Variants in ST6GALNAC3 observed in about 807,000 individuals in gnomAD.
ST6GALNAC3 encodes ST6 N-acetylgalactosaminide alpha-2,6-sialyltransferase 3.
Under a neutral mutation model 32.7 loss-of-function variants are expected in ST6GALNAC3, and 25 were observed. That is an observed-to-expected ratio of 0.76 (90% CI 0.56 to 1.07). The LOEUF (loss-of-function observed/expected upper bound fraction) is 1.07, where lower values mean the gene tolerates loss of function less well. Ranked by LOEUF, ST6GALNAC3 falls within the 50% of genes least tolerant of loss-of-function variation. The probability of loss-of-function intolerance (pLI) is 0.00; values close to 1 mark genes in which losing one functional copy is unlikely to be tolerated. For missense variants in ST6GALNAC3, 355 were observed against 382.4 expected, an observed-to-expected ratio of 0.93 and a Z score of 0.60; for synonymous variants, 129 against 133.1, an observed-to-expected ratio of 0.97 and a Z score of 0.21.
At chr1:76,402,913 G>A (rs1300448691) in intron 2 of ST6GALNAC3, among the ~76,000 whole-genome samples, 13 of 151,864 alleles carry the variant, frequency 8.6e-5, no homozygotes, top group Non-Finnish European at 1.9e-4. Context: ...TTAAATTATT[G>A]AGTCTTATCT....
At chr1:76,397,099 G>T (rs550449394) in intron 2 of ST6GALNAC3, among the ~76,000 whole-genome samples, 1 of 151,966 alleles carries the variant, frequency 6.6e-6, no homozygotes, top group Non-Finnish European at 1.5e-5. Flanking sequence ...ATTCAAACGA[G>T]AAAGGGATTT....
At chr1:76,407,836 A>G (rs932915057) in intron 2 of ST6GALNAC3, among the ~76,000 whole-genome samples, 7 of 152,100 alleles carry the variant, frequency 4.6e-5, no homozygotes, top group Non-Finnish European at 8.8e-5. Context: ...TGCCTACTGA[A>G]GCAGAACTGA....
At chr1:76,523,113 G>A (rs756551442) in intron 3 of ST6GALNAC3, among the ~76,000 whole-genome samples, 13 of 151,896 alleles carry the variant, frequency 8.6e-5, no homozygotes, top group Non-Finnish European at 1.6e-4. Flanking sequence ...TTCCTCAAAT[G>A]TTTAACCTTG....
intron 3 of ST6GALNAC3, among the ~76,000 whole-genome samples, chr1:76,588,982 T>C (rs932837613): frequency 2.0e-5 from 3 of 152,232 alleles, no homozygotes; most frequent in Admixed American, 6.5e-5. Context: ...AAGTATTAAA[T>C]TTTCTCTGTT....
rs1468642590 is a variant in ST6GALNAC3, at chr1:76,155,413, G to A, written c.18+80529G>A. Among the ~76,000 whole-genome samples, 3 of 152,178 alleles carry A rather than the reference G, an allele frequency of 2.0e-5. No homozygotes were observed. In the East Asian group the frequency reaches 5.8e-4, roughly 29 times the overall value. ...ATCAACTTTGTTTCAAACAGCTTTA[G>A]ATTTGCAGAAAAACTATGAATATAG... is the stretch of plus-strand genomic sequence containing the variant. On this transcript the variant is annotated intron_variant, in intron 1 of 4. Coordinates refer to ENST00000328299, the MANE Select transcript of ST6GALNAC3 (RefSeq NM_152996.4).
At chr1:76,266,170 C>A (rs1161537459) in intron 1 of ST6GALNAC3, among the ~76,000 whole-genome samples, 1 of 152,138 alleles carries the variant, frequency 6.6e-6, no homozygotes, top group Non-Finnish European at 1.5e-5. Context: ...TATTGGGCAC[C>A]TTCTCTTTGG....
chr1:76,392,054 G>A (rs1318486037), intron 2 of ST6GALNAC3, among the ~76,000 whole-genome samples: 1 of 152,096 alleles, frequency 6.6e-6, no homozygotes, highest in Non-Finnish European at 1.5e-5. Flanking sequence ...GTGGGTAGGG[G>A]GCTGTGCTGT....
chr1:76,460,674 T>G (rs888356160), intron 3 of ST6GALNAC3, among the ~76,000 whole-genome samples: 20 of 152,342 alleles, frequency 1.3e-4, no homozygotes, highest in African/African-American at 4.8e-4. Context: ...TATTATTCTT[T>G]ATTTGCATTA....
At chr1:76,277,190 T>C (rs573885426) in intron 1 of ST6GALNAC3, among the ~76,000 whole-genome samples, 46 of 152,262 alleles carry the variant, frequency 3.0e-4, no homozygotes, top group Non-Finnish European at 5.1e-4. Flanking sequence ...ATGGTTGATA[T>C]TTTGTTGTCT....
At chr1:76,271,264 G>T (rs1317290277) in intron 1 of ST6GALNAC3, among the ~76,000 whole-genome samples, 2 of 152,186 alleles carry the variant, frequency 1.3e-5, no homozygotes, top group East Asian at 3.8e-4. Context: ...GTGTAAAGTG[G>T]TTTGCTGTAA....
chr1:76,415,425 C>T, intron 3 of ST6GALNAC3, among the ~76,000 whole-genome samples: 1 of 151,820 alleles, frequency 6.6e-6, no homozygotes, highest in Non-Finnish European at 1.5e-5. Flanking sequence ...CTGTTCTCCT[C>T]TTTATTTACC....
At chr1:76,607,153 T>C (rs184996064) in intron 3 of ST6GALNAC3, among the ~76,000 whole-genome samples, 1 of 152,156 alleles carries the variant, frequency 6.6e-6, no homozygotes, top group Non-Finnish European at 1.5e-5. Flanking sequence ...TGGTTTACTA[T>C]AAAGGATACA....
chr1:76,371,917 T>G (rs1650856148), intron 2 of ST6GALNAC3, among the ~76,000 whole-genome samples: 1 of 152,180 alleles, frequency 6.6e-6, no homozygotes, highest in African/African-American at 2.4e-5. Flanking sequence ...TCACTTCCCC[T>G]ACTCCTCCTT....
intron 3 of ST6GALNAC3, among the ~76,000 whole-genome samples, chr1:76,455,783 C>T (rs897459411): frequency 6.6e-6 from 1 of 152,174 alleles, no homozygotes; most frequent in African/African-American, 2.4e-5. Flanking sequence ...ATCCTGGACT[C>T]TTAGTCTGAC....
intron 1 of ST6GALNAC3, among the ~76,000 whole-genome samples, chr1:76,090,929 G>C (rs1048603020): frequency 5.3e-5 from 8 of 152,328 alleles, no homozygotes; most frequent in Middle Eastern, 3.4e-3. Context: ...TCTTTTTAGA[G>C]TGCTCAGAGT....
At chr1:76,111,552 G>A (rs1320172434) in intron 1 of ST6GALNAC3, among the ~76,000 whole-genome samples, 2 of 150,686 alleles carry the variant, frequency 1.3e-5, no homozygotes, top group African/African-American at 4.9e-5. Flanking sequence ...AGTGAACAAA[G>A]GTCTCTGGTT....
At chr1:76,168,723 C>T (rs1652287646) in intron 1 of ST6GALNAC3, among the ~76,000 whole-genome samples, 1 of 151,910 alleles carries the variant, frequency 6.6e-6, no homozygotes, top group Non-Finnish European at 1.5e-5. Flanking sequence ...TATGTAATGC[C>T]CTTCTTTGTC....
At chr1:76,132,869 A>G (rs1349471251) in intron 1 of ST6GALNAC3, among the ~76,000 whole-genome samples, 1 of 152,190 alleles carries the variant, frequency 6.6e-6, no homozygotes, top group African/African-American at 2.4e-5. Flanking sequence ...GGGGAGGGTC[A>G]TACAGCCAGG....
At chr1:76,105,078 A>G (rs1480707665) in intron 1 of ST6GALNAC3, among the ~76,000 whole-genome samples, 1 of 152,218 alleles carries the variant, frequency 6.6e-6, no homozygotes, top group African/African-American at 2.4e-5. Context: ...TATCAGAAGC[A>G]GTAGTCTCTC....
Sources: allele counts gnomAD v4.1 joint callset (sites outside exome capture counted in the v4.1 genomes callset), GRCh38; gene constraint gnomAD v4.1.1; transcripts MANE v1.5; gene names NCBI Gene and HGNC (gene_info 2026-07-23, HGNC 2026-07-21).